Variants in LRRC2 observed in about 807,000 individuals in gnomAD.
The protein encoded by LRRC2 is leucine-rich repeat-containing protein 2.
A neutral mutation model predicts 40.2 loss-of-function variants in LRRC2; 27 were observed. The ratio of observed to expected loss-of-function variants is 0.67; its 90% CI spans 0.49 to 0.93. The LOEUF (loss-of-function observed/expected upper bound fraction) is 0.93. LRRC2 is among the 40% of genes least tolerant of loss of function. LRRC2 has a pLI of 0.00. For synonymous variants in LRRC2, 147 were observed against 158.9 expected, an observed-to-expected ratio of 0.92 and a Z score of 0.56; for missense variants, 402 against 439.6, an observed-to-expected ratio of 0.91 and a Z score of 0.76.
At chr3:46,562,335 G>A (rs538105113) in intron 1 of LRRC2, among the ~76,000 whole-genome samples, 7 of 152,272 alleles carry the variant, frequency 4.6e-5, no homozygotes, top group African/African-American at 1.7e-4. Context: ...TCAGATGACG[G>A]CAGCCCCTGT....
chr3:46,518,765 T>C lies in LRRC2; in HGVS notation c.*249A>G. ...CATTTTAAAACATATTAAATGTGCA[T>C]TATTTGGAAAAAAGTATATGCAAAT... On this transcript the variant is annotated 3_prime_UTR_variant, in exon 9 of 9. Coordinates refer to ENST00000395905, the MANE Select transcript of LRRC2 (RefSeq NM_024512.5). 2.4e-6 allele frequency: 1 copy of C among 419,228 alleles called. No homozygotes were observed. The highest frequency in any genetic ancestry group is 4.2e-6 in the Non-Finnish European group (1 of 238,326). The allele number at this position is 419,228 out of a possible 1,614,324, so 26.0% of individuals were successfully genotyped here. A position where few individuals can be genotyped will look rare whatever the true frequency, so the allele number is the denominator to read the frequency against.
intron 1 of LRRC2, among the ~76,000 whole-genome samples, chr3:46,553,155 T>C (rs1212296261): frequency 6.9e-6 from 1 of 144,786 alleles, no homozygotes; most frequent in East Asian, 2.1e-4. Context: ...CATTTACTTT[T>C]TGTTTTAAGT....
chr3:46,520,201 T>C (rs931953089), intron 8 of LRRC2, among the ~76,000 whole-genome samples: 20 of 148,906 alleles, frequency 1.3e-4, no homozygotes, highest in African/African-American at 4.9e-4. Flanking sequence ...TAGATAAATA[T>C]ATTTATTTTA....
intron 2 of LRRC2, among the ~76,000 whole-genome samples, chr3:46,546,363 G>A (rs955768818): frequency 3.3e-5 from 5 of 152,194 alleles, no homozygotes; most frequent in African/African-American, 9.7e-5. Flanking sequence ...GGTTAGGAGG[G>A]GTCTGAAGGT....
Position 46,545,178 on chromosome 3 carries a change from G to A in LRRC2, c.201C>T (p.Gly67=), listed in dbSNP as rs1704498696. ...GIPQAVYCKN[G]FIDTSVRLLD... ...GAAGCCGCACGCTGGTGTCTATGAA[G>A]CCATTCTTGCAGTATACAGCCTGGG... The change falls in exon 3 of 9, where the codon GGC becomes GGT. Residue 67 remains glycine, a synonymous_variant. Coordinates refer to ENST00000395905, the MANE Select transcript of LRRC2 (RefSeq NM_024512.5). 3 of 1,614,228 alleles carry A rather than the reference G, an allele frequency of 1.9e-6. No homozygotes were observed. The highest frequency in any genetic ancestry group is 2.5e-6 in the Non-Finnish European group (3 of 1,180,048).
At chr3:46,533,579 C>T (rs1266092610) in intron 4 of LRRC2, among the ~76,000 whole-genome samples, 2 of 152,190 alleles carry the variant, frequency 1.3e-5, no homozygotes, top group African/African-American at 4.8e-5. Flanking sequence ...TTACATTAGC[C>T]TACAGTTGGG....
At chr3:46,564,990 C>T (rs917900898) in intron 1 of LRRC2, among the ~76,000 whole-genome samples, 10 of 152,194 alleles carry the variant, frequency 6.6e-5, no homozygotes, top group African/African-American at 1.2e-4. Context: ...TGGACACCAG[C>T]GTTGGAATGA....
chr3:46,561,097 G>A (rs983037944), intron 1 of LRRC2, among the ~76,000 whole-genome samples: 2 of 152,160 alleles, frequency 1.3e-5, no homozygotes, highest in Non-Finnish European at 2.9e-5. Context: ...TAACAAAGGA[G>A]AACCCTCTGG....
At chr3:46,558,853 A>G (rs1704873446) in intron 1 of LRRC2, 2 of 152,224 alleles carry the variant, frequency 1.3e-5, no homozygotes, top group Non-Finnish European at 2.9e-5. Context: ...GGTTCTCTGC[A>G]TGTCCCACTT....
At chr3:46,537,008 G>T (rs1704280653) in intron 4 of LRRC2, among the ~76,000 whole-genome samples, 1 of 152,158 alleles carries the variant, frequency 6.6e-6, no homozygotes, top group Non-Finnish European at 1.5e-5. Context: ...CATCTATCTT[G>T]CTGCCAACCA....
intron 2 of LRRC2, among the ~76,000 whole-genome samples, chr3:46,546,088 A>G (rs1362732328): frequency 6.6e-6 from 1 of 152,158 alleles, no homozygotes; most frequent in Non-Finnish European, 1.5e-5. Flanking sequence ...AGCATTCCAC[A>G]CCCTACTCAG....
At position 46,517,375 on chromosome 3, in the gene LRRC2, A is replaced by T. The variant is rs2106966664; in HGVS notation, c.*1639T>A. On this transcript the variant is annotated 3_prime_UTR_variant, in exon 9 of 9. Transcript: ENST00000395905. ...GGTCTCACTCTGTCACCCAGGCTGG[A>T]GGGCAGTGTCACAATCACAGCACAC... The T allele has an allele frequency of 1.3e-5, 2 of 150,786 alleles. No homozygotes were observed. The highest frequency in any genetic ancestry group is 4.2e-4 in the South Asian group (2 of 4,762). 9.3% of individuals were successfully genotyped at this position (150,786 alleles called of 1,614,324 possible).
rs1703913112 is a variant in LRRC2 at position 46,518,760 on chromosome 3, G to A, written c.*254C>T. 1 of 402,932 alleles carries A rather than the reference G, an allele frequency of 2.5e-6. No homozygotes were observed. 25.0% of individuals were successfully genotyped at this position (402,932 alleles called of 1,614,324 possible). A position where few individuals can be genotyped will look rare whatever the true frequency, so the allele number is the denominator to read the frequency against. On this transcript the variant is annotated 3_prime_UTR_variant, in exon 9 of 9. Coordinates refer to ENST00000395905, the MANE Select transcript of LRRC2 (RefSeq NM_024512.5). ...TAAGACATTTTAAAACATATTAAAT[G>A]TGCATTATTTGGAAAAAAGTATATG...
At chr3:46,520,100 CAAAT>C (rs1183832122) in intron 8 of LRRC2, among the ~76,000 whole-genome samples, 1 of 149,030 alleles carries the variant, frequency 6.7e-6, no homozygotes, top group Non-Finnish European at 1.5e-5. Context: ...TATTTTAAAA[CAAAT>C]TAATTTATTT....
chr3:46,518,908 A>G lies in LRRC2; in HGVS notation c.*106T>C. The G allele has an allele frequency of 2.4e-6, 2 of 824,332 alleles. No individual in the cohort carries two copies. The highest frequency in any genetic ancestry group is 1.5e-5 in the South Asian group (1 of 66,896). 51.1% of individuals were successfully genotyped at this position (824,332 alleles called of 1,614,324 possible). On this transcript the variant is annotated 3_prime_UTR_variant, in exon 9 of 9. Coordinates refer to ENST00000395905, the MANE Select transcript of LRRC2 (RefSeq NM_024512.5). ...TTTAGCAACTATGATAGTGGTTTCTAGACTTTGTCCTTAAGCACAAGCCAT... is the reference window on the plus strand; with the variant it reads ...TTTAGCAACTATGATAGTGGTTTCTGGACTTTGTCCTTAAGCACAAGCCAT...
chr3:46,540,339 A>G (rs1373154468), intron 3 of LRRC2, among the ~76,000 whole-genome samples: 2 of 152,214 alleles, frequency 1.3e-5, no homozygotes, highest in African/African-American at 4.8e-5. Context: ...AGCCTGGCCA[A>G]CATGGTGAAA....
At chr3:46,542,507 CAA>C (rs1278354017) in intron 3 of LRRC2, among the ~76,000 whole-genome samples, 5 of 101,220 alleles carry the variant, frequency 4.9e-5, no homozygotes, top group Admixed American at 9.8e-5. Flanking sequence ...AAAAAACAAA[CAA>C]AAGAAAAAAA....
chr3:46,522,595 C>G (rs908690470), intron 7 of LRRC2, among the ~76,000 whole-genome samples: 1 of 151,908 alleles, frequency 6.6e-6, no homozygotes, highest in Non-Finnish European at 1.5e-5. Flanking sequence ...TGCCTGTAAT[C>G]CCAGCTACTC....
intron 2 of LRRC2, among the ~76,000 whole-genome samples, chr3:46,548,224 A>G (rs1704571281): frequency 6.6e-6 from 1 of 152,214 alleles, no homozygotes; most frequent in South Asian, 2.1e-4. Flanking sequence ...CCAATATAAA[A>G]TGGAGAAAAA....
Sources: gnomAD v4.1 joint callset for allele counts (sites outside exome capture counted in the v4.1 genomes callset) on GRCh38, gnomAD v4.1.1 for gene constraint, MANE v1.5 for transcripts, NCBI Gene and HGNC (gene_info 2026-07-23, HGNC 2026-07-21) for gene names.